NCOA2: variants seen among roughly 807,000 people sequenced by gnomAD.
NCOA2 encodes class E basic helix-loop-helix protein 75.
NCOA2 carries 21 observed loss-of-function variants against 145.1 expected under a neutral mutation model. That is an observed-to-expected ratio of 0.14 (90% CI 0.10 to 0.21). The LOEUF is 0.21. Ranked by LOEUF, NCOA2 falls within the 10% of genes least tolerant of loss-of-function variation. NCOA2 has a pLI of 1.00. For missense variants in NCOA2, 1,472 were observed against 1,837.6 expected (o/e 0.80, Z 3.64); for synonymous variants, 619 against 637.5 (o/e 0.97, Z 0.44).
chr8:70,298,804 G>A (rs548868024), intron 1 of NCOA2, among the ~76,000 whole-genome samples: 2 of 152,304 alleles, frequency 1.3e-5, no homozygotes, highest in African/African-American at 2.4e-5. Flanking sequence ...GTTCACACCT[G>A]TAATCCCAGC....
intron 12 of NCOA2, among the ~76,000 whole-genome samples, chr8:70,145,869 G>A (rs1811003515): frequency 6.6e-6 from 1 of 152,002 alleles, no homozygotes; most frequent in Non-Finnish European, 1.5e-5. Flanking sequence ...TGCCTCAAGT[G>A]ATCCTCCTGC....
chr8:70,124,234 T>C (rs915043462), intron 20 of NCOA2, among the ~76,000 whole-genome samples, 152 bp from the exon 21 acceptor site: 1 of 152,138 alleles, frequency 6.6e-6, no homozygotes. Flanking sequence ...GTGGTGGGCT[T>C]GCTGAAGCCG....
intron 4 of NCOA2, among the ~76,000 whole-genome samples, chr8:70,201,049 CAAAAAAAAAAAAA>C (rs60951750): frequency 3.1e-5 from 2 of 63,946 alleles, no homozygotes; most frequent in Non-Finnish European, 5.5e-5. Context: ...GACTGTGTCT[CAAAAAAAAAAAAA>C]AAAAAAAAAA....
At chr8:70,289,226 G>C (rs1307923275) in intron 2 of NCOA2, among the ~76,000 whole-genome samples, 2 of 152,178 alleles carry the variant, frequency 1.3e-5, no homozygotes, top group African/African-American at 4.8e-5. Flanking sequence ...TAGTAATCTA[G>C]ATCAAATAGC....
chr8:70,386,803 A>G (rs1812713749), intron 1 of NCOA2, among the ~76,000 whole-genome samples: 1 of 152,214 alleles, frequency 6.6e-6, no homozygotes, highest in Non-Finnish European at 1.5e-5. Flanking sequence ...TATTATCCCC[A>G]TCCAACAAAA....
rs1254307649 is a variant in NCOA2 at position 70,273,162 on chromosome 8, AATG to A, written c.-20+23579_-20+23581del. On this transcript the variant is annotated intron_variant, in intron 2 of 22. Coordinates refer to ENST00000452400, the MANE Select transcript of NCOA2 (RefSeq NM_006540.4). ...GCCAAGGCACACCTATAATTTTTTA[AATG>A]ATGATAAGAGTAGCCTAAAGCAGTG... 2.0e-5 allele frequency among the ~76,000 whole-genome samples: 3 copies of A among 152,290 alleles called. No homozygotes were observed. In the South Asian group the frequency reaches 6.2e-4, roughly 32 times the overall value.
intron 1 of NCOA2, among the ~76,000 whole-genome samples, chr8:70,357,754 G>A (rs1007759521): frequency 1.8e-4 from 27 of 150,788 alleles, no homozygotes; most frequent in East Asian, 1.2e-3. Flanking sequence ...AAAAAAAAGC[G>A]CGGTGGGGGG....
intron 11 of NCOA2, among the ~76,000 whole-genome samples, chr8:70,149,469 G>A (rs1050696172): frequency 7.4e-5 from 11 of 148,140 alleles, no homozygotes; most frequent in African/African-American, 2.7e-4. Context: ...GCTGGTCTCT[G>A]AGCTCAAGCA....
intron 1 of NCOA2, among the ~76,000 whole-genome samples, chr8:70,318,454 C>T (rs1805787869): frequency 6.6e-6 from 1 of 152,108 alleles, no homozygotes; most frequent in South Asian, 2.1e-4. Flanking sequence ...ACCTAATTCT[C>T]CTCCTGCTCA....
rs575423036 is a variant in NCOA2, at chr8:70,272,973, T to C, written c.-20+23771A>G. Among the ~76,000 whole-genome samples, 36 of 152,346 alleles carry C rather than the reference T, an allele frequency of 2.4e-4. 1 individual carries two copies. The highest frequency in any genetic ancestry group is 4.7e-4 in the Non-Finnish European group (32 of 68,022). On this transcript the variant is annotated intron_variant, in intron 2 of 22. Transcript: ENST00000452400. ...AATACATTAATTACAAGCCAAATTATACATTGTATGTAGCTACTTAGGTAT... is the reference window on the plus strand; with the variant it reads ...AATACATTAATTACAAGCCAAATTACACATTGTATGTAGCTACTTAGGTAT...
intron 2 of NCOA2, among the ~76,000 whole-genome samples, chr8:70,235,726 G>A (rs1821536697): frequency 6.6e-6 from 1 of 152,020 alleles, no homozygotes; most frequent in African/African-American, 2.4e-5. Flanking sequence ...CACCTGTAGT[G>A]TCAGCTACTC....
chr8:70,427,814 T>C, the NCOA2 span, among the ~76,000 whole-genome samples: 1 of 152,228 alleles, frequency 6.6e-6, no homozygotes, highest in Non-Finnish European at 1.5e-5. Context: ...TCCGTCAACA[T>C]GATTGCAAGC....
intron 1 of NCOA2, among the ~76,000 whole-genome samples, chr8:70,343,355 A>T (rs1325911739): frequency 6.6e-6 from 1 of 151,900 alleles, no homozygotes; most frequent in Non-Finnish European, 1.5e-5. Flanking sequence ...CCACACCAGT[A>T]CCATTTCAAA....
At chr8:70,185,816 G>A (rs1261186077) in intron 4 of NCOA2, among the ~76,000 whole-genome samples, 1 of 152,166 alleles carries the variant, frequency 6.6e-6, no homozygotes, top group African/African-American at 2.4e-5. Flanking sequence ...AAATAAGTGG[G>A]TATATGAGAA....
At chr8:70,229,992 T>G (rs1820994124) in intron 2 of NCOA2, among the ~76,000 whole-genome samples, 1 of 152,244 alleles carries the variant, frequency 6.6e-6, no homozygotes, top group African/African-American at 2.4e-5. Flanking sequence ...TTTAGTTCAT[T>G]TATTTACCAG....
chr8:70,201,420 C>A (rs1817877007), intron 4 of NCOA2, among the ~76,000 whole-genome samples: 1 of 152,170 alleles, frequency 6.6e-6, no homozygotes, highest in Non-Finnish European at 1.5e-5. Flanking sequence ...GCACTCATGA[C>A]AACACCTAAG....
At chr8:70,359,585 T>C (rs186185582) in intron 1 of NCOA2, among the ~76,000 whole-genome samples, 38 of 152,292 alleles carry the variant, frequency 2.5e-4, no homozygotes, top group African/African-American at 7.9e-4. Flanking sequence ...GAAAAACTGT[T>C]TAATGGATAC....
intron 9 of NCOA2, among the ~76,000 whole-genome samples, chr8:70,160,664 AGAGAGAGAGAGAGAGAGG>A (rs1202450606): frequency 6.3e-4 from 89 of 141,662 alleles, no homozygotes; most frequent in Admixed American, 4.0e-3. Flanking sequence ...AGAGACAGAG[AGAGAGAGAGAGAGAGAGG>A]GAGAGAGAGA....
chr8:70,426,936 G>A, the NCOA2 span, among the ~76,000 whole-genome samples: 1 of 152,104 alleles, frequency 6.6e-6, no homozygotes, highest in South Asian at 2.1e-4. Context: ...GGTATTACAG[G>A]TGTGTGCCAC....
Sources: gnomAD v4.1 joint callset for allele counts (sites outside exome capture counted in the v4.1 genomes callset) on GRCh38, gnomAD v4.1.1 for gene constraint, MANE v1.5 for transcripts, NCBI Gene and HGNC (gene_info 2026-07-23, HGNC 2026-07-21) for gene names.